The following SMYD3 variants were observed in gnomAD, a reference collection of about 807,000 sequenced individuals.
SMYD3 encodes histone-lysine N-methyltransferase SMYD3.
SMYD3 carries 36 observed loss-of-function variants against 57.7 expected under a neutral mutation model. The observed-to-expected ratio is 0.62, with a 90% confidence interval of 0.48 to 0.82. SMYD3 has a LOEUF of 0.82. Ranked by LOEUF, SMYD3 falls within the 40% of genes least tolerant of loss-of-function variation. The pLI is 0.00. For synonymous variants in SMYD3, 211 were observed against 195.0 expected (o/e 1.08, Z -0.68); for missense variants, 515 against 538.8 (o/e 0.96, Z 0.44).
At chr1:245,811,493 A>AT (rs1169556130) in intron 10 of SMYD3, among the ~76,000 whole-genome samples, 4 of 152,174 alleles carry the variant, frequency 2.6e-5, no homozygotes, top group South Asian at 2.1e-4. Flanking sequence ...TTTTAACATT[A>AT]TTTTTTTAAA....
chr1:245,879,084 G>A (rs561353563), intron 8 of SMYD3, among the ~76,000 whole-genome samples: 43 of 152,280 alleles, frequency 2.8e-4, no homozygotes, highest in African/African-American at 1.0e-3. Flanking sequence ...CATTTTCAGT[G>A]CAGCTATAAT....
intron 1 of SMYD3, among the ~76,000 whole-genome samples, chr1:246,412,648 G>C (rs1445619125): frequency 6.6e-6 from 1 of 151,954 alleles, no homozygotes; most frequent in African/African-American, 2.4e-5. Context: ...CATGAGGTCA[G>C]GAGTTCAAGA....
At chr1:246,448,303 C>G (rs554972751) in intron 1 of SMYD3, among the ~76,000 whole-genome samples, 2 of 152,226 alleles carry the variant, frequency 1.3e-5, no homozygotes, top group Non-Finnish European at 2.9e-5. Flanking sequence ...TGAGAACCAA[C>G]GCACAGAGAC....
chr1:246,349,935 C>T (rs1306269400), intron 2 of SMYD3, among the ~76,000 whole-genome samples: 1 of 152,160 alleles, frequency 6.6e-6, no homozygotes, highest in Non-Finnish European at 1.5e-5. Context: ...TCAATAATCA[C>T]TTTGAATATC....
intron 5 of SMYD3, among the ~76,000 whole-genome samples, chr1:246,270,210 T>G (rs2148544096): frequency 6.6e-6 from 1 of 152,330 alleles, no homozygotes; most frequent in African/African-American, 2.4e-5. Flanking sequence ...ACATAATTAT[T>G]TATTCTTGCT....
intron 10 of SMYD3, among the ~76,000 whole-genome samples, chr1:245,817,229 G>A (rs960017025): frequency 4.1e-5 from 6 of 145,338 alleles, no homozygotes; most frequent in East Asian, 2.0e-4. Context: ...CCTCAAGTGG[G>A]TCCCTGACCC....
At chr1:245,859,358 G>A (rs1174135193) in intron 9 of SMYD3, among the ~76,000 whole-genome samples, 1 of 152,176 alleles carries the variant, frequency 6.6e-6, no homozygotes, top group Admixed American at 6.5e-5. Flanking sequence ...TCAATTGCTG[G>A]CAAGGGAAAC....
chr1:246,282,080 T>A (rs1386151560), intron 5 of SMYD3, among the ~76,000 whole-genome samples: 2 of 152,084 alleles, frequency 1.3e-5, no homozygotes, highest in African/African-American at 4.8e-5. Context: ...GAATCCAGTT[T>A]TAAAGGTCCA....
At chr1:246,410,266 C>T (rs1226068958) in intron 1 of SMYD3, among the ~76,000 whole-genome samples, 1 of 152,090 alleles carries the variant, frequency 6.6e-6, no homozygotes, top group Admixed American at 6.6e-5. Flanking sequence ...AAAAGGAATG[C>T]TTCCAGTTTT....
At chr1:245,979,411 G>A (rs565828185) in intron 5 of SMYD3, among the ~76,000 whole-genome samples, 1 of 152,256 alleles carries the variant, frequency 6.6e-6, no homozygotes, top group East Asian at 1.9e-4. Flanking sequence ...AATGAGTTAG[G>A]AAAAGATCAC....
chr1:246,487,838 G>C (rs1464059046), intron 1 of SMYD3, among the ~76,000 whole-genome samples: 1 of 152,174 alleles, frequency 6.6e-6, no homozygotes, highest in Admixed American at 6.5e-5. Flanking sequence ...GGGATTACAG[G>C]CATGCACCAC....
chr1:245,807,440 C>T (rs1157052124), intron 10 of SMYD3, among the ~76,000 whole-genome samples: 1 of 152,200 alleles, frequency 6.6e-6, no homozygotes, highest in East Asian at 1.9e-4. Flanking sequence ...AGCCTCCGAA[C>T]TTCCGGTCCA....
Position 245,833,073 on chromosome 1 carries a change from A to AACAACAACAAAAAAAAAAACACAAC in SMYD3, c.1076+25422_1076+25423insGTTGTGTTTTTTTTTTTGTTGTTGT, listed in dbSNP as rs36111391. Among the ~76,000 whole-genome samples the AACAACAACAAAAAAAAAAACACAAC allele has an allele frequency of 1.8e-4, 23 of 128,652 alleles. 1 individual carries two copies. Among genetic ancestry groups the AACAACAACAAAAAAAAAAACACAAC allele is most frequent in the Non-Finnish European group, 2.7e-4 (17 of 63,244 alleles). 84.4% of individuals were successfully genotyped at this position (128,652 alleles called of 152,430 possible). Reference sequence around the variant, plus strand: ...GGAATATGTGACAAAAAAAAAAAAAAAACCTGCTTTTATAATGCTGATTCA... The same window carrying AACAACAACAAAAAAAAAAACACAAC: ...GGAATATGTGACAAAAAAAAAAAAAAACAACAACAAAAAAAAAAACACAACAACCTGCTTTTATAATGCTGATTCA... On this transcript the variant is annotated intron_variant, in intron 10 of 11. Transcript: ENST00000490107.
At chr1:246,301,656 C>T (rs531228304) in intron 5 of SMYD3, among the ~76,000 whole-genome samples, 2 of 152,244 alleles carry the variant, frequency 1.3e-5, no homozygotes, top group East Asian at 3.9e-4. Context: ...CTGACATCTC[C>T]TAAGCTTTAC....
At chr1:245,867,852 G>C (rs2051965169) in intron 8 of SMYD3, among the ~76,000 whole-genome samples, 1 of 152,206 alleles carries the variant, frequency 6.6e-6, no homozygotes, top group African/African-American at 2.4e-5. Flanking sequence ...GCAGTTCCAG[G>C]AAGAGCGGAG....
intron 5 of SMYD3, among the ~76,000 whole-genome samples, chr1:245,945,661 G>T (rs1161832385): frequency 6.6e-6 from 1 of 152,138 alleles, no homozygotes; most frequent in African/African-American, 2.4e-5. Flanking sequence ...AAAGATACAT[G>T]CATGTCTATT....
At chr1:245,842,235 G>C (rs9727943) in intron 10 of SMYD3, among the ~76,000 whole-genome samples, 62,985 of 151,804 alleles carry the variant, frequency 0.41, 14,544 homozygotes, top group East Asian at 0.86. Flanking sequence ...TTCATTGTCA[G>C]CAAAACAGGA....
At chr1:246,364,375 A>G (rs2066063433) in intron 1 of SMYD3, among the ~76,000 whole-genome samples, 1 of 152,222 alleles carries the variant, frequency 6.6e-6, no homozygotes. Context: ...ATGACAAAAC[A>G]GAACAGCTCT....
At chr1:245,798,398 A>ACATACACACACATACT (rs1558351357) in intron 10 of SMYD3, among the ~76,000 whole-genome samples, 2 of 15,400 alleles carry the variant, frequency 1.3e-4, no homozygotes, top group Admixed American at 1.9e-3. Context: ...GCGCACACAC[A>ACATACACACACATACT]CACACACATA....
Sources: allele counts gnomAD v4.1 joint callset (sites outside exome capture counted in the v4.1 genomes callset), GRCh38; gene constraint gnomAD v4.1.1; transcripts MANE v1.5; gene names NCBI Gene and HGNC (gene_info 2026-07-23, HGNC 2026-07-21).